Variants in SLC30A6 observed in about 807,000 individuals in gnomAD.
SLC30A6 encodes solute carrier family 30 member 6.
A neutral mutation model predicts 63.0 loss-of-function variants in SLC30A6; 55 were observed. That is an observed-to-expected ratio of 0.87 (90% CI 0.70 to 1.09). SLC30A6 has a LOEUF of 1.09. Among genes scored for constraint, SLC30A6 ranks in the 50% least tolerant of loss-of-function variants. The pLI is 0.00. For missense variants in SLC30A6, 587 were observed against 549.2 expected, an observed-to-expected ratio of 1.07 and a Z score of -0.69; for synonymous variants, 224 against 186.1, an observed-to-expected ratio of 1.20 and a Z score of -1.66.
At chr2:32,218,519 T>C (rs1417574612) in intron 13 of SLC30A6, among the ~76,000 whole-genome samples, 1 of 137,400 alleles carries the variant, frequency 7.3e-6, no homozygotes, top group Non-Finnish European at 1.5e-5. Flanking sequence ...TCAGCTCTCC[T>C]CTTTTGTTTT....
intron 4 of SLC30A6, among the ~76,000 whole-genome samples, chr2:32,181,133 C>G (rs1341627564): frequency 3.9e-5 from 6 of 152,028 alleles, no homozygotes; most frequent in Admixed American, 2.6e-4. Context: ...TGTTACTAAA[C>G]TATGGAAATT....
At chr2:32,170,252 GAGTA>G (rs1211085544) in intron 1 of SLC30A6, among the ~76,000 whole-genome samples, 1 of 152,156 alleles carries the variant, frequency 6.6e-6, no homozygotes, top group Non-Finnish European at 1.5e-5. Context: ...AATAACAACA[GAGTA>G]AGGAGTAACG....
Position 32,177,065 on chromosome 2 carries a change from G to A in SLC30A6, c.218+1704G>A, listed in dbSNP as rs142544593. Among the ~76,000 whole-genome samples the A allele has an allele frequency of 4.4e-3, 671 of 152,118 alleles. 7 individuals carry two copies. The highest frequency in any genetic ancestry group is 0.014 in the African/African-American group (587 of 41,498). ...TGGGATTACAGGTGTGAGCCACCACGCCTGACCTACAATATTTTCCTTGTC... is the reference window on the plus strand; with the variant it reads ...TGGGATTACAGGTGTGAGCCACCACACCTGACCTACAATATTTTCCTTGTC... On this transcript the variant is annotated intron_variant, in intron 4 of 13. Coordinates refer to ENST00000282587, the MANE Select transcript of SLC30A6 (RefSeq NM_017964.5).
At chr2:32,203,909 A>C in intron 10 of SLC30A6, 1 of 875,918 alleles carries the variant, frequency 1.1e-6, no homozygotes, top group Non-Finnish European at 1.9e-6. Context: ...CAGAGTCCAC[A>C]AGGGAGTCGC....
chr2:32,211,395 G>GT (rs1376169720), intron 13 of SLC30A6, among the ~76,000 whole-genome samples: 4 of 149,210 alleles, frequency 2.7e-5, no homozygotes, highest in African/African-American at 7.5e-5. Context: ...TTTGTTTCAA[G>GT]TTTCTTAAAA....
In SLC30A6 at chr2:32,222,699, GTTCCTTGGCCTT is replaced by G. The variant is rs1686206060; in HGVS notation, c.*1988_*1999del. Reference sequence around the variant, plus strand: ...TTCGTAAAATGTAATAAGGCAACCTGTTCCTTGGCCTTTATCTTATGTTTTCCAACTATTACT... The same window carrying G: ...TTCGTAAAATGTAATAAGGCAACCTGTATCTTATGTTTTCCAACTATTACT... On this transcript the variant is annotated 3_prime_UTR_variant, in exon 14 of 14. Coordinates refer to ENST00000282587, the MANE Select transcript of SLC30A6 (RefSeq NM_017964.5). 6.6e-6 allele frequency: 1 copy of G among 152,188 alleles called. No individual in the cohort carries two copies. The highest frequency in any genetic ancestry group is 2.1e-4 in the South Asian group (1 of 4,828). 9.4% of individuals were successfully genotyped at this position (152,188 alleles called of 1,614,324 possible).
intron 4 of SLC30A6, among the ~76,000 whole-genome samples, chr2:32,178,638 A>T (rs868670142): frequency 1.3e-5 from 2 of 152,146 alleles, no homozygotes; most frequent in Non-Finnish European, 2.9e-5. Context: ...GAATCGCACC[A>T]TTGCACTCCA....
chr2:32,173,410 G>C (rs757079382), intron 2 of SLC30A6, among the ~76,000 whole-genome samples: 64 of 148,270 alleles, frequency 4.3e-4, no homozygotes, highest in Middle Eastern at 3.7e-3. Context: ...GTCTCGCTCT[G>C]TCGCCCAGGC....
intron 4 of SLC30A6, among the ~76,000 whole-genome samples, chr2:32,181,877 A>C (rs1380040727): frequency 2.0e-5 from 3 of 151,650 alleles, no homozygotes; most frequent in Non-Finnish European, 4.4e-5. Flanking sequence ...CAAAAAAAAA[A>C]CCATAAATAA....
intron 1 of SLC30A6, among the ~76,000 whole-genome samples, chr2:32,169,631 T>G (rs1681008991): frequency 6.6e-6 from 1 of 152,108 alleles, no homozygotes; most frequent in Non-Finnish European, 1.5e-5. Context: ...AAAAAAAAAT[T>G]AGCCGGGCGT....
intron 12 of SLC30A6, 64 bp from the exon 13 acceptor site, chr2:32,209,429 G>T: frequency 7.7e-7 from 1 of 1,306,802 alleles, no homozygotes; most frequent in South Asian, 1.3e-5. Context: ...TCCATAATGT[G>T]ACTAAACTGC....
chr2:32,216,208 C>T (rs914539419), intron 13 of SLC30A6, among the ~76,000 whole-genome samples: 1 of 152,134 alleles, frequency 6.6e-6, no homozygotes, highest in Non-Finnish European at 1.5e-5. Flanking sequence ...TCTCTGCAGC[C>T]TCACCAGCAT....
chr2:32,193,892 A>T lies in SLC30A6; in HGVS notation c.405A>T (p.Gly135=). 2.5e-6 allele frequency: 4 copies of T among 1,611,352 alleles called. No individual in the cohort carries two copies. The highest frequency in any genetic ancestry group is 3.4e-6 in the Non-Finnish European group (4 of 1,178,140). ...RFLEQPEIHT[G]RLLVGTFVAL... is the part of the protein sequence containing the mutation. ...ATGTTATCGTTGTTCTTTTTAGGGG[A>T]AGATTATTAGTTGGTACTTTTGTGG... Residue 135 remains glycine (G), a synonymous_variant, in exon 8 of 14, where the codon GGA becomes GGT. Coordinates refer to ENST00000282587, the MANE Select transcript of SLC30A6 (RefSeq NM_017964.5).
chr2:32,176,486 G>A (rs1408499957), intron 4 of SLC30A6, among the ~76,000 whole-genome samples: 5 of 151,634 alleles, frequency 3.3e-5, no homozygotes, highest in Middle Eastern at 3.2e-3. Context: ...GTGAAACCCC[G>A]TCTCTACTAA....
In SLC30A6 at chr2:32,204,036, A is replaced by G. The variant is rs147615661; in HGVS notation, c.666-554A>G. On this transcript the variant is annotated intron_variant, in intron 10 of 13. Coordinates refer to ENST00000282587, the MANE Select transcript of SLC30A6 (RefSeq NM_017964.5). ...TTAATCTACCAGTATGAGGTTGCCTATTTCTGCCTAATCATGTATATTATG... is the reference window on the plus strand; with the variant it reads ...TTAATCTACCAGTATGAGGTTGCCTGTTTCTGCCTAATCATGTATATTATG... 251 of 629,760 alleles carry G rather than the reference A, an allele frequency of 4.0e-4. 1 individual carries two copies. The East Asian group carries it at 6.9e-3, about 17-fold the overall frequency. The allele number at this position is 629,760 out of a possible 1,614,324, so 39.0% of individuals were successfully genotyped here.
In SLC30A6 at chr2:32,222,237, A is replaced by C. The variant is rs752024409; in HGVS notation, c.*1524A>C. 1 of 152,208 alleles carries C rather than the reference A, an allele frequency of 6.6e-6. No individual in the cohort carries two copies. Among genetic ancestry groups the C allele is most frequent in the Non-Finnish European group, 1.5e-5 (1 of 68,040 alleles). The allele number at this position is 152,208 out of a possible 1,614,324, so 9.4% of individuals were successfully genotyped here. On this transcript the variant is annotated 3_prime_UTR_variant, in exon 14 of 14. Transcript: ENST00000282587. Reference sequence around the variant, plus strand: ...CCAAAAAGTATAACAAGCAGCAGTCACACATGACCTAGGAGGGTTTTTTAT... The same window carrying C: ...CCAAAAAGTATAACAAGCAGCAGTCCCACATGACCTAGGAGGGTTTTTTAT...
chr2:32,202,862 G>A (rs1684417395), intron 10 of SLC30A6: 1 of 909,000 alleles, frequency 1.1e-6, no homozygotes, highest in Non-Finnish European at 1.8e-6. Flanking sequence ...TTGGAAAAAT[G>A]ACTCAAAAGG....
rs1684406431 is a variant in SLC30A6 at position 32,202,742 on chromosome 2, T to G, written c.666-1848T>G. 5.7e-6 allele frequency: 4 copies of G among 700,892 alleles called. No homozygotes were observed. In the Admixed American group the frequency reaches 6.6e-5, roughly 12 times the overall value. The allele number at this position is 700,892 out of a possible 1,614,324, so 43.4% of individuals were successfully genotyped here. A position where few individuals can be genotyped will look rare whatever the true frequency, so the allele number is the denominator to read the frequency against. Reference sequence around the variant, plus strand: ...ATATTATTCATGAATTCTACAAAACTGATTCTGAAGACAGTCCTCAGACTT... The same window carrying G: ...ATATTATTCATGAATTCTACAAAACGGATTCTGAAGACAGTCCTCAGACTT... On this transcript the variant is annotated intron_variant, in intron 10 of 13. Coordinates refer to ENST00000282587, the MANE Select transcript of SLC30A6 (RefSeq NM_017964.5).
At chr2:32,206,698 G>T (rs1456488028) in intron 11 of SLC30A6, among the ~76,000 whole-genome samples, 188 bp from the exon 12 acceptor site, 1 of 152,108 alleles carries the variant, frequency 6.6e-6, no homozygotes, top group Non-Finnish European at 1.5e-5. Flanking sequence ...TAAAAAAACA[G>T]GTGTGGGCCA....
Sources: allele counts gnomAD v4.1 joint callset (sites outside exome capture counted in the v4.1 genomes callset), GRCh38; gene constraint gnomAD v4.1.1; transcripts MANE v1.5; gene names NCBI Gene and HGNC (gene_info 2026-07-23, HGNC 2026-07-21).